GDPD1: variants seen among roughly 807,000 people sequenced by gnomAD.
GDPD1 encodes the protein lysophospholipase D GDPD1.
GDPD1 carries 28 observed loss-of-function variants against 45.1 expected under a neutral mutation model. The ratio of observed to expected loss-of-function variants is 0.62; its 90% confidence interval spans 0.46 to 0.85. The LOEUF (loss-of-function observed/expected upper bound fraction) is 0.85, where lower values mean the gene tolerates loss of function less well. Ranked by LOEUF, GDPD1 falls within the 40% of genes least tolerant of loss-of-function variation. GDPD1 has a pLI of 0.00. For synonymous variants in GDPD1, 139 were observed against 131.4 expected (o/e 1.06, Z -0.40); for missense variants, 256 against 364.8 (o/e 0.70, Z 2.43).
intron 6 of GDPD1, among the ~76,000 whole-genome samples, chr17:59,262,847 C>A (rs1780863281): frequency 6.6e-6 from 1 of 152,018 alleles, no homozygotes; most frequent in African/African-American, 2.4e-5. Flanking sequence ...AGGCTGGTCA[C>A]AAACTCCCGA....
chr17:59,223,198 T>G (rs551910583), intron 1 of GDPD1, among the ~76,000 whole-genome samples: 14 of 152,346 alleles, frequency 9.2e-5, no homozygotes, highest in African/African-American at 2.9e-4. Context: ...ATATTACCTC[T>G]TATATAAAAA....
intron 1 of GDPD1, among the ~76,000 whole-genome samples, chr17:59,233,433 G>A (rs557660001): frequency 2.8e-4 from 41 of 148,302 alleles, no homozygotes; most frequent in African/African-American, 9.7e-4. Context: ...AATGGCGTAA[G>A]CCCGGGAGGC....
At chr17:59,228,845 A>C (rs1159690513) in intron 1 of GDPD1, among the ~76,000 whole-genome samples, 1 of 151,060 alleles carries the variant, frequency 6.6e-6, no homozygotes, top group Non-Finnish European at 1.5e-5. Context: ...ATGCCACTGC[A>C]CTCCAGCCTG....
chr17:59,273,660 T>C lies in GDPD1; in HGVS notation c.832T>C (p.Trp278Arg). The change falls in exon 10 of 10, where the codon TGG becomes CGG. Residue 278 changes from tryptophan (W) to arginine (R), a missense_variant. Trp to Arg is a moderately radical substitution (Grantham distance 101). Coordinates refer to ENST00000284116, the MANE Select transcript of GDPD1 (RefSeq NM_182569.4). The stretch of plus-strand genomic sequence containing the variant: ...CACTTCTAATTTTCAGGTGTATATT[T>C]GGGTATTAAATGAAGAACAAGAATA... Reference protein sequence around the residue: ...LTARGIQVYIWVLNEEQEYKR... With the variant: ...LTARGIQVYIRVLNEEQEYKR... 6.7e-7 allele frequency: 1 copy of C among 1,501,390 alleles called. No individual in the cohort carries two copies. Among genetic ancestry groups the C allele is most frequent in the Non-Finnish European group, 9.2e-7 (1 of 1,088,892 alleles). 93.0% of individuals were successfully genotyped at this position (1,501,390 alleles called of 1,614,324 possible).
At chr17:59,229,320 A>ATT (rs11302392) in intron 1 of GDPD1, among the ~76,000 whole-genome samples, 22 of 141,748 alleles carry the variant, frequency 1.6e-4, no homozygotes, top group South Asian at 4.5e-4. Context: ...GCCTGGCTAA[A>ATT]TTTTTTTTTT....
At chr17:59,270,624 C>T (rs1293415549) in intron 7 of GDPD1, among the ~76,000 whole-genome samples, 2 of 152,036 alleles carry the variant, frequency 1.3e-5, no homozygotes, top group Admixed American at 1.3e-4. Flanking sequence ...AGAAAGATTT[C>T]ACCAAAAAAG....
intron 9 of GDPD1, 36 bp from the exon 10 acceptor site, chr17:59,273,615 A>G: frequency 8.2e-7 from 1 of 1,226,820 alleles, no homozygotes; most frequent in African/African-American, 1.5e-5. Context: ...CTATTTTAAC[A>G]TTTCTTCTCA....
intron 1 of GDPD1, 39 bp downstream of exon 1, chr17:59,220,790 G>A (rs762479957): frequency 3.7e-6 from 6 of 1,602,484 alleles, no homozygotes; most frequent in Non-Finnish European, 4.2e-6. Flanking sequence ...GGAGGTGGGG[G>A]AGGCTGAGGG....
At chr17:59,231,277 C>CTA (rs1160645538) in intron 1 of GDPD1, among the ~76,000 whole-genome samples, 1 of 151,102 alleles carries the variant, frequency 6.6e-6, no homozygotes, top group African/African-American at 2.4e-5. Flanking sequence ...TGTGACCAGG[C>CTA]TATGCTTGGA....
intron 2 of GDPD1, among the ~76,000 whole-genome samples, chr17:59,242,059 T>TTTTG (rs746123995): frequency 5.9e-5 from 9 of 152,110 alleles, no homozygotes; most frequent in East Asian, 1.9e-4. Context: ...TTCTGGGTTT[T>TTTTG]TTTGTTTGTT....
At chr17:59,224,682 T>A (rs1216101890) in intron 1 of GDPD1, among the ~76,000 whole-genome samples, 1 of 149,756 alleles carries the variant, frequency 6.7e-6, no homozygotes, top group African/African-American at 2.5e-5. Flanking sequence ...TTGAGCCGGG[T>A]GTGATGGTGC....
intron 5 of GDPD1, 71 bp downstream of exon 5, chr17:59,257,311 G>A: frequency 4.0e-6 from 3 of 743,044 alleles, no homozygotes; most frequent in Non-Finnish European, 6.9e-6. Context: ...TAGAGTCAGT[G>A]ACTGCATAGA....
At chr17:59,245,769 G>A (rs1411064412) in intron 3 of GDPD1, among the ~76,000 whole-genome samples, 2 of 152,134 alleles carry the variant, frequency 1.3e-5, no homozygotes, top group Non-Finnish European at 2.9e-5. Flanking sequence ...AGGATTGTTT[G>A]AGGCCAGGAG....
chr17:59,255,831 G>GTATATATATATATA (rs369473417), intron 4 of GDPD1, among the ~76,000 whole-genome samples: 56 of 62,942 alleles, frequency 8.9e-4, no homozygotes, highest in African/African-American at 5.1e-3. Flanking sequence ...ATATATACGC[G>GTATATATATATATA]TATATATATA....
intron 2 of GDPD1, among the ~76,000 whole-genome samples, chr17:59,240,111 T>C (rs1237065593): frequency 1.3e-5 from 2 of 151,968 alleles, no homozygotes; most frequent in Non-Finnish European, 2.9e-5. Flanking sequence ...TCCAATGTGG[T>C]GAAACCCTGT....
intron 1 of GDPD1, 66 bp downstream of exon 1, chr17:59,220,817 A>G (rs1278438735): frequency 6.4e-7 from 1 of 1,559,476 alleles, no homozygotes; most frequent in East Asian, 2.3e-5. Context: ...GCGGCTCCGC[A>G]AAAGGCAGCC....
chr17:59,240,645 T>G (rs766829230), intron 2 of GDPD1, among the ~76,000 whole-genome samples: 1 of 152,024 alleles, frequency 6.6e-6, no homozygotes, highest in Non-Finnish European at 1.5e-5. Flanking sequence ...ATTTTTAAAT[T>G]TTTTTCGTAA....
chr17:59,237,244 CA>C (rs913224824), intron 2 of GDPD1, among the ~76,000 whole-genome samples: 2 of 151,258 alleles, frequency 1.3e-5, no homozygotes, highest in East Asian at 1.9e-4. Context: ...AGAAAATGCA[CA>C]AAAAAAATTA....
At position 59,245,432 on chromosome 17, in the gene GDPD1, T is replaced by C; in HGVS notation, c.204T>C (p.Thr68=). 6.2e-7 allele frequency: 1 copy of C among 1,611,280 alleles called. No homozygotes were observed. The highest frequency in any genetic ancestry group is 8.5e-7 in the Non-Finnish European group (1 of 1,178,522). ...AAFQHAVKIG[T]DMLELDCHIT... ...TCTTCAGTGCGGTTAAAATCGGAAC[T>C]GATATGCTAGAATTGGACTGCCATA... is the stretch of plus-strand genomic sequence containing the variant. The change falls in exon 3 of 10, where the codon ACT becomes ACC. Residue 68 remains threonine (T), a synonymous_variant. Coordinates refer to ENST00000284116, the MANE Select transcript of GDPD1 (RefSeq NM_182569.4).
Sources: allele counts gnomAD v4.1 joint callset (sites outside exome capture counted in the v4.1 genomes callset), GRCh38; gene constraint gnomAD v4.1.1; transcripts MANE v1.5; gene names NCBI Gene and HGNC (gene_info 2026-07-23, HGNC 2026-07-21).